FRMPD4: variants seen among roughly 807,000 people sequenced by gnomAD.
FRMPD4 encodes the protein FERM and PDZ domain-containing protein 4.
A neutral mutation model predicts 94.1 loss-of-function variants in FRMPD4; 22 were observed. The observed-to-expected ratio is 0.23, with a 90% CI of 0.17 to 0.33. The LOEUF (loss-of-function observed/expected upper bound fraction) is 0.33, where lower values mean the gene tolerates loss of function less well. Ranked by LOEUF, FRMPD4 falls within the 10% of genes least tolerant of loss-of-function variation. FRMPD4 has a pLI of 1.00. For missense variants in FRMPD4, 1,111 were observed against 1,339.9 expected, an observed-to-expected ratio of 0.83 and a Z score of 2.67; for synonymous variants, 631 against 548.6, an observed-to-expected ratio of 1.15 and a Z score of -2.10.
chrX:12,182,577 AAT>A (rs1251244591), intron 1 of FRMPD4, among the ~76,000 whole-genome samples: 1 of 107,143 alleles, frequency 9.3e-6, no homozygotes, highest in Non-Finnish European at 1.9e-5. Flanking sequence ...TAAATAAATA[AAT>A]ATATATATAT....
At chrX:12,555,976 A>G (rs2148337177) in intron 2 of FRMPD4, among the ~76,000 whole-genome samples, 1 of 110,944 alleles carries the variant, frequency 9.0e-6, no homozygotes, top group South Asian at 4.0e-4. Context: ...TTATTCAAAG[A>G]TGCGATCATA....
chrX:12,046,043 C>T (rs958962399), intron 3 of FRMPD4, among the ~76,000 whole-genome samples: 1 of 110,950 alleles, frequency 9.0e-6, no homozygotes, highest in Non-Finnish European at 1.9e-5. Context: ...TACAAAGATA[C>T]GCACATTCTA....
chrX:12,301,385 T>C (rs371684976), intron 1 of FRMPD4, among the ~76,000 whole-genome samples: 1 of 112,014 alleles, frequency 8.9e-6, no homozygotes, highest in Admixed American at 9.5e-5. Flanking sequence ...AACCTACTTC[T>C]GCAGCTTCTC....
chrX:11,842,835 T>C (rs759736965), intron 1 of FRMPD4, among the ~76,000 whole-genome samples: 1 of 105,129 alleles, frequency 9.5e-6, no homozygotes, highest in Admixed American at 1.0e-4. Context: ...CCAGTTTTCA[T>C]AGGGAATGCT....
At chrX:12,376,637 G>A (rs190648283) in intron 1 of FRMPD4, among the ~76,000 whole-genome samples, 2 of 109,516 alleles carry the variant, frequency 1.8e-5, no homozygotes, top group East Asian at 5.6e-4. Context: ...GTGGGTGCAC[G>A]TGCATGTGGA....
intron 3 of FRMPD4, among the ~76,000 whole-genome samples, chrX:12,065,709 A>G (rs1380848984): frequency 8.9e-6 from 1 of 112,389 alleles, no homozygotes; most frequent in Non-Finnish European, 1.9e-5. Flanking sequence ...CTAAATACTA[A>G]TATTCCAGAA....
chrX:11,901,630 C>T (rs1021478460), intron 3 of FRMPD4, among the ~76,000 whole-genome samples: 3 of 112,098 alleles, frequency 2.7e-5, no homozygotes, highest in Non-Finnish European at 5.6e-5. Flanking sequence ...ACTGCTGGAT[C>T]GAATGGTAGA....
At chrX:12,633,152 G>C (rs5979699) in intron 4 of FRMPD4, among the ~76,000 whole-genome samples, 15,283 of 111,463 alleles carry the variant, frequency 0.14, 755 homozygotes, top group South Asian at 0.19. Context: ...GGTCAGTTGA[G>C]CAATACTTGA....
chrX:12,083,910 A>C (rs1335682058), intron 3 of FRMPD4, among the ~76,000 whole-genome samples: 2 of 111,998 alleles, frequency 1.8e-5, no homozygotes, highest in Non-Finnish European at 3.8e-5. Flanking sequence ...CTAGGAAGTA[A>C]CTAGCTTGCT....
intron 3 of FRMPD4, among the ~76,000 whole-genome samples, chrX:12,096,354 T>C (rs1234910912): frequency 1.8e-5 from 2 of 112,635 alleles, no homozygotes; most frequent in Non-Finnish European, 3.7e-5. Context: ...TCATGTAGAA[T>C]GTATTTATTG....
chrX:12,657,960 G>A (rs1490708556), intron 4 of FRMPD4, among the ~76,000 whole-genome samples: 1 of 111,791 alleles, frequency 8.9e-6, no homozygotes, highest in East Asian at 2.8e-4. Flanking sequence ...AGTACACATA[G>A]CTGTAGCTGC....
chrX:12,127,923 C>T (rs965939935), intron 3 of FRMPD4, among the ~76,000 whole-genome samples: 2 of 112,948 alleles, frequency 1.8e-5, no homozygotes, highest in Non-Finnish European at 3.7e-5. Context: ...AAATGATCTC[C>T]TTTGATGCCA....
At chrX:12,692,546 C>T (rs1234090467) in intron 8 of FRMPD4, among the ~76,000 whole-genome samples, 2 of 112,326 alleles carry the variant, frequency 1.8e-5, no homozygotes, top group Non-Finnish European at 3.8e-5. Flanking sequence ...TGATACTAAA[C>T]TTCTGCTAGA....
chrX:12,294,727 C>A (rs1169763605), intron 1 of FRMPD4, among the ~76,000 whole-genome samples: 1 of 111,438 alleles, frequency 9.0e-6, no homozygotes, highest in African/African-American at 3.3e-5. Context: ...GACTGTGTCA[C>A]CCTAGTCATT....
At chrX:12,258,373 C>T (rs1001646866) in intron 1 of FRMPD4, among the ~76,000 whole-genome samples, 1 of 110,669 alleles carries the variant, frequency 9.0e-6, no homozygotes, top group Non-Finnish European at 1.9e-5. Flanking sequence ...TTGAGTTTGG[C>T]GCCCCCACTT....
chrX:11,902,062 AT>A (rs1406238502), intron 3 of FRMPD4, among the ~76,000 whole-genome samples: 2 of 112,214 alleles, frequency 1.8e-5, no homozygotes, highest in Non-Finnish European at 3.8e-5. Flanking sequence ...TCTGTTTACT[AT>A]GCTGCTTATT....
At chrX:12,101,080 T>A (rs1195463436) in intron 3 of FRMPD4, among the ~76,000 whole-genome samples, 1 of 112,256 alleles carries the variant, frequency 8.9e-6, no homozygotes, top group Admixed American at 9.4e-5. Context: ...CTTTGTATGG[T>A]CGTTGGCATG....
intron 13 of FRMPD4, among the ~76,000 whole-genome samples, 196 bp downstream of exon 13, chrX:12,707,847 G>A (rs927741214): frequency 2.7e-5 from 3 of 112,352 alleles, no homozygotes; most frequent in Non-Finnish European, 3.8e-5. Context: ...GGAACAGGTC[G>A]CTATAATTCT....
At chrX:12,331,367 T>A in intron 1 of FRMPD4, among the ~76,000 whole-genome samples, 1 of 104,658 alleles carries the variant, frequency 9.6e-6, no homozygotes. Context: ...AGCAAATAAC[T>A]CCTCCAGGTA....
Sources: gnomAD v4.1 joint callset for allele counts (sites outside exome capture counted in the v4.1 genomes callset) on GRCh38, gnomAD v4.1.1 for gene constraint, MANE v1.5 for transcripts, NCBI Gene and HGNC (gene_info 2026-07-23, HGNC 2026-07-21) for gene names.